LRP2: variants seen among roughly 807,000 people sequenced by gnomAD.
LRP2 encodes low-density lipoprotein receptor-related protein 2.
A neutral mutation model predicts 531.0 loss-of-function variants in LRP2; 172 were observed. The ratio of observed to expected loss-of-function variants is 0.32; its 90% CI spans 0.29 to 0.37. The LOEUF is 0.37. Ranked by LOEUF, LRP2 falls within the 10% of genes least tolerant of loss-of-function variation. The pLI, the probability that LRP2 is intolerant of heterozygous loss-of-function variation, is 1.00. For missense variants in LRP2, 5,167 were observed against 5,868.3 expected (o/e 0.88, Z 3.90); for synonymous variants, 1,992 against 2,027.6 (o/e 0.98, Z 0.47).
intron 70 of LRP2, among the ~76,000 whole-genome samples, chr2:169,143,145 C>T (rs1190955822): frequency 6.6e-6 from 1 of 152,168 alleles, no homozygotes; most frequent in East Asian, 1.9e-4. Context: ...TTCAAAAGAC[C>T]AGTGAGATCC....
intron 17 of LRP2, 94 bp from the exon 18 acceptor site, chr2:169,257,343 G>T: frequency 7.6e-7 from 1 of 1,316,532 alleles, no homozygotes; most frequent in Non-Finnish European, 1.1e-6. Flanking sequence ...TCCAGATACT[G>T]CAATTAATTT....
chr2:169,206,148 A>G lies in LRP2; in HGVS notation c.7431T>C (p.Thr2477=), dbSNP rs773229933. 7.4e-6 allele frequency: 12 copies of G among 1,614,116 alleles called. No homozygotes were observed. The highest frequency in any genetic ancestry group is 1.0e-5 in the Non-Finnish European group (12 of 1,180,044). Residue 2477 remains threonine (T), a synonymous_variant, in exon 40 of 79, where the codon ACT becomes ACC. Coordinates refer to ENST00000649046, the MANE Select transcript of LRP2 (RefSeq NM_004525.3). ...TADGIAFDWI[T]RRIYYSDYLN... The stretch of plus-strand genomic sequence containing the variant: ...GGTAGTCACTGTAATAAATTCTTCT[A>G]GTAATCCAGTCAAAGGCAATGCCAT...
intron 64 of LRP2, 38 bp from the exon 65 acceptor site, chr2:169,156,443 C>A: frequency 6.2e-7 from 1 of 1,612,010 alleles, no homozygotes; most frequent in South Asian, 1.1e-5. Context: ...AACATCTGTT[C>A]CCATCCATTC....
Position 169,270,866 on chromosome 2 carries a change from C to T in LRP2, c.2320+38G>A, listed in dbSNP as rs776925172. ...ATCATTACAATAAACAGGCAAAACA[C>T]GCATACACACACACACACACACACA... On this transcript the variant is annotated intron_variant, in intron 16 of 78. Coordinates refer to ENST00000649046, the MANE Select transcript of LRP2 (RefSeq NM_004525.3). 22 of 1,516,770 alleles carry T rather than the reference C, an allele frequency of 1.5e-5. No homozygotes were observed. In the Admixed American group the frequency reaches 1.7e-4, roughly 12 times the overall value. 94.0% of individuals were successfully genotyped at this position (1,516,770 alleles called of 1,614,324 possible).
chr2:169,176,290 G>C, intron 54 of LRP2, 121 bp downstream of exon 54: 1 of 1,080,562 alleles, frequency 9.3e-7, no homozygotes, highest in South Asian at 1.3e-5. Context: ...TGTTCCACAT[G>C]AACCAAGTTA....
chr2:169,198,549 T>C (rs1449911305), intron 45 of LRP2, among the ~76,000 whole-genome samples: 1 of 152,154 alleles, frequency 6.6e-6, no homozygotes, highest in African/African-American at 2.4e-5. Flanking sequence ...TCTCCAATAG[T>C]AGCAGATCTC....
intron 54 of LRP2, 38 bp from the exon 55 acceptor site, chr2:169,175,427 C>T (rs1687155930): frequency 1.9e-6 from 3 of 1,583,768 alleles, no homozygotes; most frequent in Non-Finnish European, 2.6e-6. Context: ...TAGCAAAGCA[C>T]CAGGGGCAAC....
chr2:169,321,846 C>G (rs555372717), intron 1 of LRP2, among the ~76,000 whole-genome samples: 1 of 152,128 alleles, frequency 6.6e-6, no homozygotes, highest in Non-Finnish European at 1.5e-5. Context: ...ACTGGAAGGA[C>G]AATATAACTT....
chr2:169,169,440 G>T (rs922601000), intron 60 of LRP2, among the ~76,000 whole-genome samples: 1 of 152,118 alleles, frequency 6.6e-6, no homozygotes, highest in Non-Finnish European at 1.5e-5. Flanking sequence ...TTGTATAGTA[G>T]CTGATAATAT....
At chr2:169,160,960 T>C (rs185104368) in intron 63 of LRP2, among the ~76,000 whole-genome samples, 75 of 152,308 alleles carry the variant, frequency 4.9e-4, no homozygotes, top group African/African-American at 1.6e-3. Flanking sequence ...GAAAAATTGA[T>C]AGAAAATCCT....
At chr2:169,299,116 AAAG>A in intron 4 of LRP2, among the ~76,000 whole-genome samples, 1 of 100,758 alleles carries the variant, frequency 9.9e-6, no homozygotes, top group East Asian at 3.2e-4. Flanking sequence ...AGAAAGAAAG[AAAG>A]AAAGAAAGAA....
chr2:169,256,317 A>G (rs1238941070), intron 18 of LRP2, 81 bp from the exon 19 acceptor site: 6 of 1,152,194 alleles, frequency 5.2e-6, no homozygotes, highest in Non-Finnish European at 7.7e-6. Flanking sequence ...CAAAAACAGT[A>G]GGGTCAGTTG....
intron 24 of LRP2, 86 bp from the exon 25 acceptor site, chr2:169,241,451 A>G: frequency 1.4e-6 from 2 of 1,458,542 alleles, no homozygotes; most frequent in Admixed American, 1.7e-5. Flanking sequence ...ATGATTTTGG[A>G]TCCAATAGTA....
chr2:169,284,698 A>G lies in LRP2; in HGVS notation c.1043-1697T>C, dbSNP rs142702518. 1.9e-3 allele frequency among the ~76,000 whole-genome samples: 289 copies of G among 152,290 alleles called. 1 individual carries two copies. Among genetic ancestry groups the G allele is most frequent in the African/African-American group, 6.6e-3 (273 of 41,564 alleles). On this transcript the variant is annotated intron_variant, in intron 9 of 78. Coordinates refer to ENST00000649046, the MANE Select transcript of LRP2 (RefSeq NM_004525.3). ...ACCCAATCCGATCTGGACACTACCA[A>G]GTGAAATGCCACATGAGGGTGTGAA...
At chr2:169,361,882 G>C (rs1457703649) in intron 1 of LRP2, among the ~76,000 whole-genome samples, 1 of 152,158 alleles carries the variant, frequency 6.6e-6, no homozygotes, top group Non-Finnish European at 1.5e-5. Flanking sequence ...CTGGGCGCGC[G>C]AAGGGATCCC....
At chr2:169,254,643 T>TAATAAAAAAAAAAAAA (rs1553503780) in intron 19 of LRP2, among the ~76,000 whole-genome samples, 1 of 73,272 alleles carries the variant, frequency 1.4e-5, no homozygotes, top group Non-Finnish European at 2.5e-5. Flanking sequence ...TAGAGTATAA[T>TAATAAAAAAAAAAAAA]AAAAAAAAAA....
intron 60 of LRP2, among the ~76,000 whole-genome samples, chr2:169,169,066 G>A (rs767621044): frequency 5.3e-5 from 8 of 152,202 alleles, no homozygotes; most frequent in Non-Finnish European, 1.0e-4. Context: ...TAAACAGTTT[G>A]CATTGATTCA....
chr2:169,332,766 C>G (rs1685300935), intron 1 of LRP2, among the ~76,000 whole-genome samples: 1 of 152,142 alleles, frequency 6.6e-6, no homozygotes, highest in Admixed American at 6.5e-5. Flanking sequence ...CATATATATA[C>G]ATAATTTACT....
chr2:169,239,126 G>A (rs149939795), intron 26 of LRP2, among the ~76,000 whole-genome samples: 1 of 152,144 alleles, frequency 6.6e-6, no homozygotes, highest in African/African-American at 2.4e-5. Context: ...CACTTTGAAA[G>A]TGGTCAAATC....
Sources: gnomAD v4.1 joint callset for allele counts (sites outside exome capture counted in the v4.1 genomes callset) on GRCh38, gnomAD v4.1.1 for gene constraint, MANE v1.5 for transcripts, NCBI Gene and HGNC (gene_info 2026-07-23, HGNC 2026-07-21) for gene names.